Variants in FBF1 observed in about 807,000 individuals in gnomAD.
FBF1 encodes the protein fas-binding factor 1.
In FBF1, 119 loss-of-function variants were observed where a neutral mutation model predicts 147.2. The observed-to-expected ratio is 0.81, with a 90% confidence interval of 0.70 to 0.94. FBF1 has a LOEUF of 0.94. FBF1 is among the 40% of genes least tolerant of loss of function. The pLI, the probability that FBF1 is intolerant of heterozygous loss-of-function variation, is 0.00. For missense variants in FBF1, 1,449 were observed against 1,500.8 expected (o/e 0.97, Z 0.57); for synonymous variants, 601 against 609.0 (o/e 0.99, Z 0.19).
intron 29 of FBF1, 26 bp downstream of exon 29, chr17:75,912,166 G>T: frequency 6.3e-7 from 1 of 1,579,062 alleles, no homozygotes; most frequent in South Asian, 1.2e-5. Context: ...TGAACACAAG[G>T]ATCCCCAAGG....
intron 15 of FBF1, 71 bp downstream of exon 15, chr17:75,921,874 C>T (rs1478639401): frequency 1.5e-6 from 2 of 1,335,896 alleles, no homozygotes; most frequent in Non-Finnish European, 1.0e-6. Flanking sequence ...CCTCTGTGTC[C>T]CTCTCTCAGG....
intron 1 of FBF1, among the ~76,000 whole-genome samples, chr17:75,939,050 C>T (rs1224756213): frequency 1.3e-5 from 2 of 151,974 alleles, no homozygotes; most frequent in African/African-American, 2.4e-5. Flanking sequence ...TATCCCAGCA[C>T]TTTGGGAGGC....
chr17:75,929,518 A>G (rs745739371), intron 7 of FBF1, among the ~76,000 whole-genome samples: 2 of 152,196 alleles, frequency 1.3e-5, no homozygotes, highest in Non-Finnish European at 2.9e-5. Flanking sequence ...GTCTTAGGCC[A>G]AGCTAGAGAT....
chr17:75,933,127 A>C, intron 4 of FBF1, 39 bp from the exon 5 acceptor site: 1 of 1,503,580 alleles, frequency 6.7e-7, no homozygotes, highest in South Asian at 1.2e-5. Flanking sequence ...CATTTAACTA[A>C]AGGTACCTGG....
rs376050368 is a variant in FBF1 at position 75,917,948 on chromosome 17, C to G, written c.2369G>C (p.Arg790Pro). The G allele has an allele frequency of 1.4e-5, 22 of 1,602,588 alleles. No individual in the cohort carries two copies. The highest frequency in any genetic ancestry group is 2.7e-5 in the African/African-American group (2 of 74,802). Residue 790 changes from arginine to proline, a missense_variant, in exon 22 of 30, where the codon CGT (arginine) becomes CCT (proline). Transcript: ENST00000636174. ...GGGCGTACCCCGCAGCTGCTCGTCA[C>G]GCTGCCGGATCCCCAGCTCCCGCTC... Reference protein sequence around the residue: ...SQERELGIRQRDEQLRALQER... With the variant: ...SQERELGIRQPDEQLRALQER...
chr17:75,931,399 A>G, intron 5 of FBF1, 110 bp from the exon 6 acceptor site: 1 of 901,992 alleles, frequency 1.1e-6, no homozygotes, highest in Non-Finnish European at 1.7e-6. Context: ...GTCTCTCCGG[A>G]GAACAGAGGT....
At chr17:75,939,451 T>C (rs2065646649) in intron 1 of FBF1, among the ~76,000 whole-genome samples, 1 of 152,196 alleles carries the variant, frequency 6.6e-6, no homozygotes, top group Admixed American at 6.6e-5. Context: ...GGTGGGTGCC[T>C]GGCACCAAGG....
rs2065553072 is a variant in FBF1, at chr17:75,925,296, C to T, written c.968+51G>A. 1.4e-6 allele frequency: 2 copies of T among 1,468,256 alleles called. No individual in the cohort carries two copies. The highest frequency in any genetic ancestry group is 1.9e-5 in the Admixed American group (1 of 53,336). The allele number at this position is 1,468,256 out of a possible 1,614,324, so 91.0% of individuals were successfully genotyped here. On this transcript the variant is annotated intron_variant, in intron 13 of 29. Transcript: ENST00000636174. The surrounding 1 kb of genome is among the most constrained non-coding windows in gnomAD (Gnocchi z 5.0). Reference sequence around the variant, plus strand: ...GGGACAGCTGCAGGGGCCTGTCTTCCCAGTGGCCGACCTGTCTCAAGAGGC... The same window carrying T: ...GGGACAGCTGCAGGGGCCTGTCTTCTCAGTGGCCGACCTGTCTCAAGAGGC...
intron 23 of FBF1, among the ~76,000 whole-genome samples, chr17:75,916,919 C>A (rs2065492368): frequency 6.6e-6 from 1 of 152,236 alleles, no homozygotes; most frequent in Non-Finnish European, 1.5e-5. Context: ...GTTATGATCT[C>A]CACTCACTGC....
intron 3 of FBF1, among the ~76,000 whole-genome samples, chr17:75,937,138 G>A (rs957625408): frequency 6.6e-6 from 1 of 152,032 alleles, no homozygotes; most frequent in Admixed American, 6.6e-5. Flanking sequence ...GGCTGCCTAC[G>A]GAATAATGGG....
Position 75,925,325 on chromosome 17 carries a change from G to A in FBF1, c.968+22C>T, listed in dbSNP as rs2065553396. On this transcript the variant is annotated intron_variant, in intron 13 of 29. Transcript: ENST00000636174. This position sits in a 1 kb window ranked among gnomAD's most constrained non-coding sequence, Gnocchi z 5.0. ...TGGCCGACCTGTCTCAAGAGGCCAA[G>A]CCTCCTGCAGGCCCCACTTACCTGA... The A allele has an allele frequency of 6.3e-7, 1 of 1,598,510 alleles. No homozygotes were observed. The highest frequency in any genetic ancestry group is 1.3e-5 in the African/African-American group (1 of 74,592).
Position 75,918,117 on chromosome 17 carries a change from C to A in FBF1, c.2246+45G>T, listed in dbSNP as rs1292652559. ...CCCTCCTGACGGTCTCGGGGACCTTCCGGCCCCCAACGTCAGGCGGGCATG... is the reference window on the plus strand; with the variant it reads ...CCCTCCTGACGGTCTCGGGGACCTTACGGCCCCCAACGTCAGGCGGGCATG... On this transcript the variant is annotated intron_variant, in intron 21 of 29. Transcript: ENST00000636174. The surrounding 1 kb of genome is among the most constrained non-coding windows in gnomAD (Gnocchi z 5.8). 6.2e-7 allele frequency: 1 copy of A among 1,607,792 alleles called. No individual in the cohort carries two copies. The highest frequency in any genetic ancestry group is 1.3e-5 in the African/African-American group (1 of 74,844).
At chr17:75,921,903 C>T (rs2065530208) in intron 15 of FBF1, 42 bp downstream of exon 15, 2 of 1,496,136 alleles carry the variant, frequency 1.3e-6, no homozygotes, top group Non-Finnish European at 1.8e-6. Context: ...CTGTGCTGCC[C>T]ACCATGCTCT....
chr17:75,912,410 C>T, intron 28 of FBF1, 103 bp from the exon 29 acceptor site: 1 of 806,748 alleles, frequency 1.2e-6, no homozygotes, highest in African/African-American at 1.7e-5. Context: ...GTGGGTGGAC[C>T]CTGGCCATAT....
chr17:75,916,821 C>T (rs187200082), intron 23 of FBF1, among the ~76,000 whole-genome samples: 2 of 152,280 alleles, frequency 1.3e-5, no homozygotes, highest in Admixed American at 6.5e-5. Context: ...CACCACCACA[C>T]CCAGTTAATT....
intron 8 of FBF1, 37 bp from the exon 9 acceptor site, chr17:75,927,569 C>A: frequency 6.4e-7 from 1 of 1,550,680 alleles, no homozygotes; most frequent in Non-Finnish European, 8.8e-7. Context: ...GGGCCTGAGT[C>A]TCTCCTGGCC....
Position 75,923,471 on chromosome 17 carries a change from C to A in FBF1, c.1139G>T (p.Arg380Leu). The A allele has an allele frequency of 6.2e-7, 1 of 1,608,758 alleles. No homozygotes were observed. Among genetic ancestry groups the A allele is most frequent in the East Asian group, 2.2e-5 (1 of 44,716 alleles). ...FPASPTREAHRESSVPVTPSV... is the reference protein window; with the variant it reads ...FPASPTREAHLESSVPVTPSV... Reference sequence around the variant, plus strand: ...GGGCGTGACAGGCACTGAACTTTCCCGATGGGCCTCTCTGGTGGGTGAGGC... The same window carrying A: ...GGGCGTGACAGGCACTGAACTTTCCAGATGGGCCTCTCTGGTGGGTGAGGC... The change falls in exon 14 of 30, where the codon CGG becomes CTG. Residue 380 changes from arginine (R) to leucine (L), a missense_variant. Coordinates refer to ENST00000636174, the MANE Select transcript of FBF1 (RefSeq NM_001319193.2). This position sits in a 1 kb window ranked among gnomAD's most constrained non-coding sequence, Gnocchi z 4.1.
chr17:75,938,709 A>G (rs1462391475), intron 1 of FBF1, among the ~76,000 whole-genome samples: 1 of 151,910 alleles, frequency 6.6e-6, no homozygotes, highest in East Asian at 1.9e-4. Flanking sequence ...ACTAAAAAAT[A>G]CAAAAAATTA....
chr17:75,920,444 G>A lies in FBF1; in HGVS notation c.1675-15C>T, dbSNP rs773156482. The A allele has an allele frequency of 6.3e-7, 1 of 1,597,230 alleles. No individual in the cohort carries two copies. The highest frequency in any genetic ancestry group is 8.5e-7 in the Non-Finnish European group (1 of 1,171,868). On this transcript the variant is annotated splice_polypyrimidine_tract_variant and intron_variant, in intron 17 of 29. Coordinates refer to ENST00000636174, the MANE Select transcript of FBF1 (RefSeq NM_001319193.2). The stretch of plus-strand genomic sequence containing the variant: ...GGGAGCAGGGGCTGGAGGAGAGGAA[G>A]AGAGGTGTTTCTAGTTAGGGAGGGG...
Sources: allele counts gnomAD v4.1 joint callset (sites outside exome capture counted in the v4.1 genomes callset), GRCh38; gene constraint gnomAD v4.1.1; non-coding constraint Gnocchi (gnomAD v3.1); transcripts MANE v1.5; gene names NCBI Gene and HGNC (gene_info 2026-07-23, HGNC 2026-07-21).